KL: variants seen among roughly 807,000 people sequenced by gnomAD.
KL encodes the protein alpha-klotho.
Under a neutral mutation model 84.2 loss-of-function variants are expected in KL, and 62 were observed. That is an observed-to-expected ratio of 0.74 (90% CI 0.60 to 0.91). The LOEUF is 0.91. KL is among the 40% of genes least tolerant of loss of function. The probability of loss-of-function intolerance (pLI) is 0.00; values close to 1 mark genes in which losing one functional copy is unlikely to be tolerated. For synonymous variants in KL, 528 were observed against 528.0 expected, an observed-to-expected ratio of 1.00 and a Z score of 0.00; for missense variants, 1,261 against 1,305.7, an observed-to-expected ratio of 0.97 and a Z score of 0.53.
chr13:33,038,877 A>C (rs1167403079), intron 1 of KL, among the ~76,000 whole-genome samples: 2 of 152,226 alleles, frequency 1.3e-5, no homozygotes, highest in Non-Finnish European at 2.9e-5. Flanking sequence ...TGAACTAGAA[A>C]ATTTTCCAAA....
chr13:33,048,244 T>C (rs991223509), intron 1 of KL, among the ~76,000 whole-genome samples: 11 of 152,212 alleles, frequency 7.2e-5, no homozygotes, highest in African/African-American at 2.7e-4. Context: ...CAATATTGTC[T>C]CTTTTTAAAG....
At chr13:33,037,056 C>T (rs8000084) in intron 1 of KL, among the ~76,000 whole-genome samples, 20,959 of 152,112 alleles carry the variant, frequency 0.14, 1,542 homozygotes, top group South Asian at 0.17. Context: ...ACTGAATATA[C>T]TAATGTTTGA....
At chr13:33,027,808 G>C (rs747607996) in intron 1 of KL, among the ~76,000 whole-genome samples, 8 of 152,204 alleles carry the variant, frequency 5.3e-5, no homozygotes, top group Admixed American at 2.0e-4. Context: ...GAAAGTGAAT[G>C]AGCTGGTTCC....
In KL at chr13:33,065,019, G is replaced by T. The variant is rs1593815549; in HGVS notation, c.*833G>T. ...CCGCAGTGGCTCTAGGTGGAGGAAA[G>T]GAGGAAAAAGTGCTTATTATGTGCA... On this transcript the variant is annotated 3_prime_UTR_variant, in exon 5 of 5. Transcript: ENST00000380099. 1 of 228,288 alleles carries T rather than the reference G, an allele frequency of 4.4e-6. No individual in the cohort carries two copies. The highest frequency in any genetic ancestry group is 8.7e-6 in the Non-Finnish European group (1 of 115,064). The allele number at this position is 228,288 out of a possible 1,614,324, so 14.1% of individuals were successfully genotyped here. A position where few individuals can be genotyped will look rare whatever the true frequency, so the allele number is the denominator to read the frequency against.
chr13:33,033,237 C>G (rs1018995513), intron 1 of KL, among the ~76,000 whole-genome samples: 1 of 152,188 alleles, frequency 6.6e-6, no homozygotes, highest in African/African-American at 2.4e-5. Context: ...TGGCTGTTTC[C>G]TGTGTTTACT....
chr13:33,050,141 C>G (rs1201162784), intron 1 of KL, among the ~76,000 whole-genome samples: 1 of 152,098 alleles, frequency 6.6e-6, no homozygotes, highest in African/African-American at 2.4e-5. Context: ...TTAGACATTT[C>G]AATTGTTTTC....
intron 1 of KL, among the ~76,000 whole-genome samples, chr13:33,032,659 A>G (rs564433522): frequency 1.1e-4 from 17 of 152,268 alleles, no homozygotes; most frequent in African/African-American, 4.1e-4. Flanking sequence ...TCACATGCCC[A>G]CAGATTCAAG....
chr13:33,055,009 A>G (rs1192259703), intron 2 of KL, 38 bp from the exon 3 acceptor site: 2 of 1,613,864 alleles, frequency 1.2e-6, no homozygotes, highest in African/African-American at 2.7e-5. Flanking sequence ...GTGCCCAGCG[A>G]AGGGTCATGT....
In KL at chr13:33,060,916, C is replaced by A; in HGVS notation, c.1837C>A (p.His613Asn). The A allele has an allele frequency of 1.2e-6, 2 of 1,614,060 alleles. No homozygotes were observed. The highest frequency in any genetic ancestry group is 1.6e-4 in the Middle Eastern group (1 of 6,062). ...LPLGNQSQVN[H>N]TILQYYRCMA... is the part of the protein sequence containing the mutation. ...TCTGGGTAACCAGTCCCAGGTGAAC[C>A]ACACCATCCTGCAGTACTATCGCTG... The change falls in exon 4 of 5, where the codon CAC (histidine) becomes AAC (asparagine). Residue 613 changes from histidine to asparagine, a missense_variant. Transcript: ENST00000380099.
At chr13:33,058,748 G>A (rs1222374994) in intron 3 of KL, among the ~76,000 whole-genome samples, 1 of 151,372 alleles carries the variant, frequency 6.6e-6, no homozygotes, top group African/African-American at 2.4e-5. Context: ...GAACAATCAC[G>A]GTTAAAAAAA....
chr13:33,060,844 C>A lies in KL; in HGVS notation c.1765C>A (p.His589Asn), dbSNP rs201248946. 4.3e-6 allele frequency: 7 copies of A among 1,614,234 alleles called. No homozygotes were observed. The highest frequency in any genetic ancestry group is 1.7e-5 in the Admixed American group (1 of 60,032). Residue 589 changes from histidine (H) to asparagine (N), a missense_variant, in exon 4 of 5, where the codon CAC becomes AAC. His to Asn is a moderately conservative substitution (Grantham distance 68, BLOSUM62 1). Transcript: ENST00000380099. ...QPQIALLQEM[H>N]VTHFRFSLDW... ...CCAGATCGCTTTACTCCAGGAAATG[C>A]ACGTTACACATTTTCGCTTCTCCCT...
chr13:33,058,363 CAG>C (rs1163854207), intron 3 of KL, among the ~76,000 whole-genome samples: 13 of 144,544 alleles, frequency 9.0e-5, no homozygotes, highest in Non-Finnish European at 1.6e-4. Flanking sequence ...TTTTTTTTGA[CAG>C]AGTCTTGCTC....
Position 33,060,660 on chromosome 13 carries a change from T to A in KL, c.1600-19T>A. The A allele has an allele frequency of 1.2e-6, 2 of 1,614,178 alleles. No homozygotes were observed. The highest frequency in any genetic ancestry group is 1.7e-6 in the Non-Finnish European group (2 of 1,180,004). On this transcript the variant is annotated intron_variant, in intron 3 of 4. Coordinates refer to ENST00000380099, the MANE Select transcript of KL (RefSeq NM_004795.4). Reference sequence around the variant, plus strand: ...CAGGACTGCCCAGGTGACGCTAATGTTTACTCTGCCCTTCACAGGTAGATA... The same window carrying A: ...CAGGACTGCCCAGGTGACGCTAATGATTACTCTGCCCTTCACAGGTAGATA...
intron 1 of KL, among the ~76,000 whole-genome samples, chr13:33,018,905 A>G (rs1352277101): frequency 6.6e-6 from 1 of 152,250 alleles, no homozygotes; most frequent in African/African-American, 2.4e-5. Context: ...ATTATAAGAT[A>G]AAGACTTGCG....
chr13:33,031,761 G>A (rs939206082), intron 1 of KL, among the ~76,000 whole-genome samples: 2 of 152,294 alleles, frequency 1.3e-5, no homozygotes, highest in Admixed American at 1.3e-4. Context: ...CCAGTGGGGA[G>A]CAGGAGTGAG....
In KL at chr13:33,065,969, G is replaced by A. The variant is rs1872397052; in HGVS notation, c.*1783G>A. 1 of 176,310 alleles carries A rather than the reference G, an allele frequency of 5.7e-6. No homozygotes were observed. Among genetic ancestry groups the A allele is most frequent in the Non-Finnish European group, 1.2e-5 (1 of 81,898 alleles). 10.9% of individuals were successfully genotyped at this position (176,310 alleles called of 1,614,324 possible). A position where few individuals can be genotyped will look rare whatever the true frequency, so the allele number is the denominator to read the frequency against. ...CACAGGAATGTATCACAACTTAACC[G>A]TTCCCGTTTGTTAGACTAGTTTCTT... On this transcript the variant is annotated 3_prime_UTR_variant, in exon 5 of 5. Coordinates refer to ENST00000380099, the MANE Select transcript of KL (RefSeq NM_004795.4).
intron 1 of KL, among the ~76,000 whole-genome samples, chr13:33,047,108 G>A (rs1871560539): frequency 6.6e-6 from 1 of 152,052 alleles, no homozygotes. Flanking sequence ...TGAGAAAAAT[G>A]TATATTCTGA....
intron 3 of KL, among the ~76,000 whole-genome samples, chr13:33,058,862 A>T (rs1481062209): frequency 1.3e-5 from 2 of 152,194 alleles, no homozygotes; most frequent in Non-Finnish European, 2.9e-5. Context: ...TGTCCTTCAA[A>T]GCTAAGGAAA....
chr13:33,016,650 C>T lies in KL; in HGVS notation c.210C>T (p.Gly70=). The T allele has an allele frequency of 6.3e-7, 1 of 1,580,180 alleles. No individual in the cohort carries two copies. Among genetic ancestry groups the T allele is most frequent in the Non-Finnish European group, 8.6e-7 (1 of 1,163,326 alleles). The change falls in exon 1 of 5, where the codon GGC becomes GGT. Residue 70 remains glycine (G), a synonymous_variant. Coordinates refer to ENST00000380099, the MANE Select transcript of KL (RefSeq NM_004795.4). ...CCGACGGCTTCCTCTGGGCCGTGGGCAGCGCCGCCTACCAGACCGAGGGCG... is the reference window on the plus strand; with the variant it reads ...CCGACGGCTTCCTCTGGGCCGTGGGTAGCGCCGCCTACCAGACCGAGGGCG... ...TFPDGFLWAV[G]SAAYQTEGGW...
Sources: gnomAD v4.1 joint callset for allele counts (sites outside exome capture counted in the v4.1 genomes callset) on GRCh38, gnomAD v4.1.1 for gene constraint, MANE v1.5 for transcripts, NCBI Gene and HGNC (gene_info 2026-07-23, HGNC 2026-07-21) for gene names.